The following MAGI2 variants were observed in gnomAD, a reference collection of about 807,000 sequenced individuals.
MAGI2 encodes the protein membrane associated guanylate kinase, WW and PDZ domain containing 2.
MAGI2 carries 35 observed loss-of-function variants against 133.3 expected under a neutral mutation model. That is an observed-to-expected ratio of 0.26 (90% CI 0.20 to 0.35). The LOEUF is 0.35. MAGI2 is among the 10% of genes least tolerant of loss of function. The pLI is 1.00. For synonymous variants in MAGI2, 729 were observed against 710.6 expected, an observed-to-expected ratio of 1.03 and a Z score of -0.41; for missense variants, 1,636 against 1,863.4, an observed-to-expected ratio of 0.88 and a Z score of 2.25.
chr7:78,421,119 CT>C (rs1562969998), intron 6 of MAGI2, among the ~76,000 whole-genome samples: 1 of 152,134 alleles, frequency 6.6e-6, no homozygotes, highest in Non-Finnish European at 1.5e-5. Flanking sequence ...AAACAATCAC[CT>C]TGTCAGAGTA....
rs5885089 is a variant in MAGI2 at position 78,686,560 on chromosome 7, G to GAAA, written c.419-59324_419-59322dup. Among the ~76,000 whole-genome samples the GAAA allele has an allele frequency of 3.3e-3, 447 of 136,560 alleles. 3 individuals carry two copies. The highest frequency in any genetic ancestry group is 7.1e-3 in the African/African-American group (261 of 36,784). 89.6% of individuals were successfully genotyped at this position (136,560 alleles called of 152,430 possible). On this transcript the variant is annotated intron_variant, in intron 2 of 21. Transcript: ENST00000354212. ...GTTAGCTTCCCAAAGGAGGAAAGTG[G>GAAA]AAAAAAAAAAAAAAAAGGAACAGAT...
rs528039151 is a variant in MAGI2, at chr7:78,529,624, A to G, written c.539-7979T>C. On this transcript the variant is annotated intron_variant, in intron 3 of 21. Coordinates refer to ENST00000354212, the MANE Select transcript of MAGI2 (RefSeq NM_012301.4). ...GATATGAGCCACATATATGGAATTT[A>G]AATTTTTTTGTTTTTGCTTTTCTTT... Among the ~76,000 whole-genome samples, 4 of 137,250 alleles carry G rather than the reference A, an allele frequency of 2.9e-5. No individual in the cohort carries two copies. In the South Asian group the frequency reaches 9.6e-4, roughly 33 times the overall value. The allele number at this position is 137,250 out of a possible 152,430, so 90.0% of individuals were successfully genotyped here. A position where few individuals can be genotyped will look rare whatever the true frequency, so the allele number is the denominator to read the frequency against.
chr7:78,382,134 T>A (rs1794978366), intron 6 of MAGI2, among the ~76,000 whole-genome samples: 1 of 152,150 alleles, frequency 6.6e-6, no homozygotes, highest in African/African-American at 2.4e-5. Context: ...AAAGTCTCTA[T>A]GATCTGATAT....
intron 13 of MAGI2, among the ~76,000 whole-genome samples, chr7:78,181,205 TG>T (rs1827159564): frequency 6.6e-6 from 1 of 152,154 alleles, no homozygotes; most frequent in Admixed American, 6.5e-5. Flanking sequence ...GAACTTAAAG[TG>T]AAGAAATCCA....
At chr7:78,916,105 T>C (rs1478528829) in intron 2 of MAGI2, among the ~76,000 whole-genome samples, 2 of 152,156 alleles carry the variant, frequency 1.3e-5, no homozygotes, top group Non-Finnish European at 2.9e-5. Flanking sequence ...GCAGATGTTG[T>C]TCAAAACCTA....
chr7:78,069,372 CTCAG>C lies in MAGI2; in HGVS notation c.3706+9571_3706+9574del, dbSNP rs376493180. Among the ~76,000 whole-genome samples, 13 of 152,238 alleles carry C rather than the reference CTCAG, an allele frequency of 8.5e-5. No homozygotes were observed. The East Asian group carries it at 1.5e-3, about 18-fold the overall frequency. ...AATATAGAGTCCTGGACTGAACTGACTCAGTCAGAATCTCCAGAGGGTATGTGGA... is the reference window on the plus strand; with the variant it reads ...AATATAGAGTCCTGGACTGAACTGACTCAGAATCTCCAGAGGGTATGTGGA... On this transcript the variant is annotated intron_variant, in intron 21 of 21. Transcript: ENST00000354212.
At chr7:78,895,641 T>C (rs1455048937) in intron 2 of MAGI2, among the ~76,000 whole-genome samples, 4 of 152,110 alleles carry the variant, frequency 2.6e-5, no homozygotes, top group Non-Finnish European at 5.9e-5. Flanking sequence ...TGCAGGCAAT[T>C]TAAATGAAAG....
chr7:78,314,145 A>G (rs747159923), intron 9 of MAGI2, among the ~76,000 whole-genome samples: 1 of 152,170 alleles, frequency 6.6e-6, no homozygotes, highest in African/African-American at 2.4e-5. Flanking sequence ...TTTAAATAAG[A>G]CTGTAATGGA....
At chr7:78,073,328 G>A (rs772547105) in intron 21 of MAGI2, among the ~76,000 whole-genome samples, 1 of 152,004 alleles carries the variant, frequency 6.6e-6, no homozygotes, top group Non-Finnish European at 1.5e-5. Context: ...CCCTTGGTGT[G>A]GGTATGTGGC....
chr7:79,165,039 A>T (rs1824779225), intron 1 of MAGI2, among the ~76,000 whole-genome samples: 2 of 152,214 alleles, frequency 1.3e-5, no homozygotes, highest in Middle Eastern at 3.4e-3. Context: ...TTGTTTCTAA[A>T]AATCAGAATG....
intron 10 of MAGI2, among the ~76,000 whole-genome samples, chr7:78,249,817 TGTATA>T (rs1238046926): frequency 3.9e-5 from 6 of 152,196 alleles, no homozygotes; most frequent in Admixed American, 2.6e-4. Context: ...TTACCAATAA[TGTATA>T]GTATATTTCA....
chr7:78,632,684 T>A (rs1441957896), intron 2 of MAGI2, among the ~76,000 whole-genome samples: 1 of 152,230 alleles, frequency 6.6e-6, no homozygotes, highest in Non-Finnish European at 1.5e-5. Flanking sequence ...CATGGTGTGT[T>A]CCAATGACTG....
At position 78,705,022 on chromosome 7, in the gene MAGI2, G is replaced by A. The variant is rs572774101; in HGVS notation, c.419-77783C>T. Among the ~76,000 whole-genome samples, 5 of 152,122 alleles carry A rather than the reference G, an allele frequency of 3.3e-5. No homozygotes were observed. In the South Asian group the frequency reaches 1.0e-3, roughly 32 times the overall value. On this transcript the variant is annotated intron_variant, in intron 2 of 21. Coordinates refer to ENST00000354212, the MANE Select transcript of MAGI2 (RefSeq NM_012301.4). Reference sequence around the variant, plus strand: ...TACTTGAGGGTAGAGGGTGAGCGGAGGGTATATTTACACCACAGAAATTGG... The same window carrying A: ...TACTTGAGGGTAGAGGGTGAGCGGAAGGTATATTTACACCACAGAAATTGG...
At chr7:78,534,286 A>AC (rs1312462923) in intron 3 of MAGI2, among the ~76,000 whole-genome samples, 2 of 152,242 alleles carry the variant, frequency 1.3e-5, no homozygotes, top group Non-Finnish European at 2.9e-5. Flanking sequence ...ATGATTGAAT[A>AC]CCCAGCCTTT....
At chr7:79,442,392 C>T (rs539313894) in intron 1 of MAGI2, among the ~76,000 whole-genome samples, 29 of 151,722 alleles carry the variant, frequency 1.9e-4, no homozygotes, top group Non-Finnish European at 3.7e-4. Flanking sequence ...CCTCACATGC[C>T]TAAGTGCCTT....
At chr7:78,419,120 C>T (rs1356411287) in intron 6 of MAGI2, among the ~76,000 whole-genome samples, 2 of 152,094 alleles carry the variant, frequency 1.3e-5, no homozygotes, top group Non-Finnish European at 2.9e-5. Context: ...TATGTTTCTG[C>T]ATTTTAAAAA....
At chr7:78,238,248 C>T (rs1463594360) in intron 10 of MAGI2, among the ~76,000 whole-genome samples, 2 of 152,144 alleles carry the variant, frequency 1.3e-5, no homozygotes, top group Non-Finnish European at 2.9e-5. Flanking sequence ...ATACTCCCCA[C>T]ATACCAGCCA....
At chr7:78,698,405 G>A (rs570637052) in intron 2 of MAGI2, among the ~76,000 whole-genome samples, 1 of 152,192 alleles carries the variant, frequency 6.6e-6, no homozygotes, top group Admixed American at 6.5e-5. Context: ...CATCCCCTAA[G>A]GAAAAAAAGA....
intron 2 of MAGI2, among the ~76,000 whole-genome samples, chr7:78,745,089 A>G (rs902616322): frequency 2.9e-4 from 44 of 152,374 alleles, no homozygotes; most frequent in African/African-American, 8.9e-4. Context: ...CAACCAACTT[A>G]TAAACATTTG....
Sources: gnomAD v4.1 joint callset for allele counts (sites outside exome capture counted in the v4.1 genomes callset) on GRCh38, gnomAD v4.1.1 for gene constraint, MANE v1.5 for transcripts, NCBI Gene and HGNC (gene_info 2026-07-23, HGNC 2026-07-21) for gene names.